Variants in DAG1 observed in about 807,000 individuals in gnomAD.
DAG1 encodes the protein dystroglycan 1 (dystrophin-associated glycoprotein 1).
DAG1 carries 8 observed loss-of-function variants against 46.1 expected under a neutral mutation model. The ratio of observed to expected loss-of-function variants is 0.17; its 90% CI spans 0.10 to 0.31. The LOEUF (loss-of-function observed/expected upper bound fraction) is 0.31, where lower values mean the gene tolerates loss of function less well. DAG1 is among the 10% of genes least tolerant of loss of function. The pLI is 1.00. For missense variants in DAG1, 1,003 were observed against 1,189.9 expected, an observed-to-expected ratio of 0.84 and a Z score of 2.31; for synonymous variants, 495 against 481.8, an observed-to-expected ratio of 1.03 and a Z score of -0.36.
At chr3:49,521,456 C>T (rs1471652457) in intron 2 of DAG1, among the ~76,000 whole-genome samples, 1 of 152,132 alleles carries the variant, frequency 6.6e-6, no homozygotes, top group Non-Finnish European at 1.5e-5. Flanking sequence ...TGAGCCACTG[C>T]GCCCGGCCGT....
intron 1 of DAG1, among the ~76,000 whole-genome samples, chr3:49,495,437 A>G (rs765347929): frequency 3.3e-5 from 5 of 152,182 alleles, no homozygotes; most frequent in Non-Finnish European, 7.3e-5. Context: ...GTTGGTAAAC[A>G]TGTGCTGAAG....
At chr3:49,523,017 C>T (rs760808120) in intron 2 of DAG1, among the ~76,000 whole-genome samples, 8 of 152,172 alleles carry the variant, frequency 5.3e-5, no homozygotes, top group Non-Finnish European at 1.0e-4. Context: ...AGGAGTTCCA[C>T]GGTGGGACCA....
chr3:49,512,315 G>A (rs1468721735), intron 2 of DAG1, among the ~76,000 whole-genome samples: 4 of 152,126 alleles, frequency 2.6e-5, no homozygotes, highest in Admixed American at 2.0e-4. Flanking sequence ...TGATTCTCCT[G>A]CCTCAGCCTC....
At chr3:49,481,112 G>A (rs1242285621) in intron 1 of DAG1, among the ~76,000 whole-genome samples, 2 of 148,662 alleles carry the variant, frequency 1.3e-5, no homozygotes, top group African/African-American at 4.9e-5. Context: ...AATTGTGGCC[G>A]GGCGCAGTGG....
chr3:49,478,288 AAG>A (rs1374361982), intron 1 of DAG1, among the ~76,000 whole-genome samples: 16 of 149,970 alleles, frequency 1.1e-4, no homozygotes, highest in African/African-American at 3.2e-4. Flanking sequence ...AAAAAAAAAA[AAG>A]AAAAAAAAGT....
Position 49,531,833 on chromosome 3 carries a change from C to G in DAG1, c.1322C>G (p.Ser441Cys). ...AAACCAGCAACGCCTTCAACTGACTCCACCACCACCACGACTCGCAGGCCA... is the reference window on the plus strand; with the variant it reads ...AAACCAGCAACGCCTTCAACTGACTGCACCACCACCACGACTCGCAGGCCA... ...TPKPATPSTD[S>C]TTTTTRRPTK... Residue 441 changes from serine (S) to cysteine (C), a missense_variant, in exon 3 of 3, where the codon TCC becomes TGC. Ser to Cys is a moderately radical substitution (Grantham distance 112, BLOSUM62 -1). Transcript: ENST00000308775. The surrounding 1 kb of genome is among the most constrained non-coding windows in gnomAD (Gnocchi z 7.0). 6.2e-7 allele frequency: 1 copy of G among 1,613,748 alleles called. No individual in the cohort carries two copies. The highest frequency in any genetic ancestry group is 8.5e-7 in the Non-Finnish European group (1 of 1,179,766).
intron 2 of DAG1, among the ~76,000 whole-genome samples, chr3:49,527,563 C>T (rs1228837847): frequency 6.7e-6 from 1 of 149,424 alleles, no homozygotes; most frequent in Non-Finnish European, 1.5e-5. Context: ...ATTAGCCAGG[C>T]GTGGTGGCGG....
At chr3:49,490,830 A>G (rs1244380227) in intron 1 of DAG1, among the ~76,000 whole-genome samples, 2 of 150,906 alleles carry the variant, frequency 1.3e-5, no homozygotes, top group Admixed American at 6.6e-5. Context: ...TCAGCCTCCC[A>G]AAGTGCTGGG....
Position 49,531,486 on chromosome 3 carries a change from GC to G in DAG1, c.980del (p.Pro327GlnfsTer56). The G allele has an allele frequency of 6.2e-7, 1 of 1,613,542 alleles. No individual in the cohort carries two copies. The highest frequency in any genetic ancestry group is 8.5e-7 in the Non-Finnish European group (1 of 1,179,756). ...CACCCACACCTGTCACTGCCATTGG[GC>G]CCCCAACCACGGCTATCCAGGAGCC... is the stretch of plus-strand genomic sequence containing the variant. ...ATPTPVTAIG[P>X]PTTAIQEPPS... is the part of the protein sequence containing the mutation. On this transcript the variant is annotated frameshift_variant, in exon 3 of 3. Coordinates refer to ENST00000308775, the MANE Select transcript of DAG1 (RefSeq NM_004393.6). LOFTEE classifies it high-confidence loss of function. The surrounding 1 kb of genome is among the most constrained non-coding windows in gnomAD (Gnocchi z 7.0).
chr3:49,513,239 G>C (rs1223809652), intron 2 of DAG1, among the ~76,000 whole-genome samples: 2 of 152,112 alleles, frequency 1.3e-5, no homozygotes, highest in African/African-American at 4.8e-5. Context: ...GCTTAGCTGG[G>C]GCTGTTGGTC....
intron 2 of DAG1, among the ~76,000 whole-genome samples, chr3:49,515,967 C>T (rs1243936514): frequency 6.6e-6 from 1 of 152,108 alleles, no homozygotes; most frequent in African/African-American, 2.4e-5. Context: ...GGCCTGTGAC[C>T]TCCTCTCCCA....
chr3:49,485,001 A>G (rs1446672130), intron 1 of DAG1, among the ~76,000 whole-genome samples: 1 of 150,838 alleles, frequency 6.6e-6, no homozygotes, highest in Non-Finnish European at 1.5e-5. Context: ...ATTTTATTTT[A>G]TTTGAGACGG....
intron 1 of DAG1, chr3:49,487,440 A>G (rs964265274): frequency 6.6e-6 from 1 of 152,154 alleles, no homozygotes; most frequent in Non-Finnish European, 1.5e-5. Context: ...GAAAATGTTA[A>G]TGTTTTCCAG....
At chr3:49,526,210 G>T (rs1432569826) in intron 2 of DAG1, among the ~76,000 whole-genome samples, 2 of 152,184 alleles carry the variant, frequency 1.3e-5, no homozygotes, top group African/African-American at 4.8e-5. Flanking sequence ...GCACTAGGGG[G>T]GTGGTACTAA....
chr3:49,515,078 C>T lies in DAG1; in HGVS notation c.285+4259C>T, dbSNP rs558967133. ...CTCAAACTCCTGACCTCGTGATCCG[C>T]CCACCTTGGCCTCCCAAAGTGCTGG... On this transcript the variant is annotated intron_variant, in intron 2 of 2. Transcript: ENST00000308775. Among the ~76,000 whole-genome samples the T allele has an allele frequency of 6.6e-5, 10 of 152,170 alleles. No individual in the cohort carries two copies. The South Asian group carries it at 2.1e-3, about 32-fold the overall frequency.
chr3:49,515,724 T>C (rs2050881279), intron 2 of DAG1, among the ~76,000 whole-genome samples: 1 of 152,074 alleles, frequency 6.6e-6, no homozygotes, highest in African/African-American at 2.4e-5. Context: ...ATTTCAGATA[T>C]TGGTCCTAAG....
chr3:49,534,991 A>C lies in DAG1; in HGVS notation c.*1792A>C, dbSNP rs1217357642. On this transcript the variant is annotated 3_prime_UTR_variant, in exon 3 of 3. Coordinates refer to ENST00000308775, the MANE Select transcript of DAG1 (RefSeq NM_004393.6). ...GGAGGGGGGGAGAGGTCTCTGTCCT[A>C]CTGCTCTCCAGAGGGCATTTCCCCT... is the stretch of plus-strand genomic sequence containing the variant. 3 of 152,466 alleles carry C rather than the reference A, an allele frequency of 2.0e-5. No individual in the cohort carries two copies. Among genetic ancestry groups the C allele is most frequent in the Non-Finnish European group, 4.4e-5 (3 of 68,212 alleles). 9.4% of individuals were successfully genotyped at this position (152,466 alleles called of 1,614,324 possible).
intron 1 of DAG1, among the ~76,000 whole-genome samples, chr3:49,503,165 G>C (rs999226454): frequency 2.0e-5 from 3 of 152,156 alleles, no homozygotes; most frequent in African/African-American, 7.2e-5. Context: ...GCTACATGGT[G>C]AGTCTTCTCC....
chr3:49,475,281 TTTA>T (rs1307439765), intron 1 of DAG1, among the ~76,000 whole-genome samples: 1 of 151,096 alleles, frequency 6.6e-6, no homozygotes, highest in African/African-American at 2.4e-5. Flanking sequence ...ATTTTGTATT[TTTA>T]GTAGAGACAG....
Sources: gnomAD v4.1 joint callset for allele counts (sites outside exome capture counted in the v4.1 genomes callset) on GRCh38, gnomAD v4.1.1 for gene constraint, Gnocchi (gnomAD v3.1) non-coding constraint, MANE v1.5 for transcripts, NCBI Gene and HGNC (gene_info 2026-07-23, HGNC 2026-07-21) for gene names.